The following MROH9 variants were observed in gnomAD, a reference collection of about 807,000 sequenced individuals.
MROH9 encodes maestro heat-like repeat-containing protein family member 9.
In MROH9, 92 loss-of-function variants were observed where a neutral mutation model predicts 98.2. The ratio of observed to expected loss-of-function variants is 0.94; its 90% confidence interval spans 0.79 to 1.11. The LOEUF is 1.11. MROH9 is among the 50% of genes most tolerant of loss of function. The pLI, the probability that MROH9 is intolerant of heterozygous loss-of-function variation, is 0.00. For missense variants in MROH9, 1,057 were observed against 1,014.8 expected, an observed-to-expected ratio of 1.04 and a Z score of -0.57; for synonymous variants, 397 against 368.9, an observed-to-expected ratio of 1.08 and a Z score of -0.87.
chr1:170,987,917 T>A (rs1651212124), intron 10 of MROH9, among the ~76,000 whole-genome samples: 1 of 152,182 alleles, frequency 6.6e-6, no homozygotes, highest in Non-Finnish European at 1.5e-5. Context: ...ATTTTTAAAG[T>A]AGGTTACAGT....
chr1:171,033,335 A>C (rs1652988780), intron 20 of MROH9, among the ~76,000 whole-genome samples: 1 of 152,222 alleles, frequency 6.6e-6, no homozygotes, highest in Admixed American at 6.5e-5. Context: ...CCGATTCCAG[A>C]TGAGAGGCTG....
chr1:171,047,766 T>C (rs1177121021), intron 20 of MROH9, among the ~76,000 whole-genome samples: 1 of 152,162 alleles, frequency 6.6e-6, no homozygotes, highest in Non-Finnish European at 1.5e-5. Context: ...TTTATTGTAG[T>C]CTTCACTGTC....
chr1:171,062,235 T>C lies in MROH9; in HGVS notation c.2344+41T>C, dbSNP rs1328001460. 3.7e-6 allele frequency: 5 copies of C among 1,337,018 alleles called. No individual in the cohort carries two copies. In the African/African-American group the frequency reaches 4.4e-5, roughly 12 times the overall value. The allele number at this position is 1,337,018 out of a possible 1,614,324, so 82.8% of individuals were successfully genotyped here. A position where few individuals can be genotyped will look rare whatever the true frequency, so the allele number is the denominator to read the frequency against. Reference sequence around the variant, plus strand: ...ATAACAAAATCTTTATGCATAAATCTAAATACATTTACTATTTTTAATTCT... The same window carrying C: ...ATAACAAAATCTTTATGCATAAATCCAAATACATTTACTATTTTTAATTCT... On this transcript the variant is annotated intron_variant, in intron 21 of 21. Coordinates refer to ENST00000367759, the MANE Select transcript of MROH9 (RefSeq NM_001163629.2).
At chr1:170,973,579 T>TA (rs1650562627) in intron 8 of MROH9, among the ~76,000 whole-genome samples, 1 of 151,922 alleles carries the variant, frequency 6.6e-6, no homozygotes, top group Non-Finnish European at 1.5e-5. Flanking sequence ...AAATCCAATT[T>TA]AAAAAAAATT....
chr1:170,937,902 G>T (rs1250708282), intron 1 of MROH9, among the ~76,000 whole-genome samples: 1 of 152,144 alleles, frequency 6.6e-6, no homozygotes, highest in African/African-American at 2.4e-5. Context: ...TCAGCTGCTT[G>T]TGGTTCTTTA....
In MROH9 at chr1:170,947,526, G is replaced by A. The variant is rs187983561; in HGVS notation, c.26-1G>A. On this transcript the variant is annotated splice_acceptor_variant, in intron 2 of 21. Transcript: ENST00000367759. LOFTEE classifies it high-confidence loss of function. ...TAACGAATCTCCTTCTTTCTGGCTAGAGAGTAGTCTCCAGATTCTGCAAGA... is the reference window on the plus strand; with the variant it reads ...TAACGAATCTCCTTCTTTCTGGCTAAAGAGTAGTCTCCAGATTCTGCAAGA... The A allele has an allele frequency of 3.7e-6, 6 of 1,610,520 alleles. No individual in the cohort carries two copies. The African/African-American group carries it at 5.3e-5, about 14-fold the overall frequency.
In MROH9 at chr1:171,032,960, G is replaced by A. The variant is rs142627420; in HGVS notation, c.2281+7540G>A. Among the ~76,000 whole-genome samples the A allele has an allele frequency of 3.1e-3, 471 of 152,314 alleles. 4 individuals are homozygous for A. Among genetic ancestry groups the A allele is most frequent in the African/African-American group, 0.011 (442 of 41,564 alleles). On this transcript the variant is annotated intron_variant, in intron 20 of 21. Coordinates refer to ENST00000367759, the MANE Select transcript of MROH9 (RefSeq NM_001163629.2). ...CCTGTGGGATCCAGGTTCTGTCCCT[G>A]AGCCCCTGGCTGGAGTTATTGGAGT...
chr1:170,984,335 G>A (rs1651047256), intron 9 of MROH9, among the ~76,000 whole-genome samples: 2 of 152,206 alleles, frequency 1.3e-5, no homozygotes, highest in African/African-American at 4.8e-5. Flanking sequence ...CTGAGGATAT[G>A]CAGAAGCAAT....
chr1:170,996,472 G>A, intron 13 of MROH9, 35 bp from the exon 14 acceptor site: 1 of 1,606,264 alleles, frequency 6.2e-7, no homozygotes, highest in Non-Finnish European at 8.5e-7. Context: ...AATATCACCG[G>A]CATGTGATGA....
intron 2 of MROH9, among the ~76,000 whole-genome samples, chr1:170,946,858 T>G (rs1302719741): frequency 6.6e-6 from 1 of 152,066 alleles, no homozygotes; most frequent in Non-Finnish European, 1.5e-5. Context: ...AATTAAATTA[T>G]TTTGATAACA....
intron 17 of MROH9, among the ~76,000 whole-genome samples, chr1:171,020,311 A>G (rs917343802): frequency 6.6e-6 from 1 of 152,202 alleles, no homozygotes; most frequent in Admixed American, 6.5e-5. Flanking sequence ...GACACAACAG[A>G]AAAGAAAACT....
intron 3 of MROH9, among the ~76,000 whole-genome samples, chr1:170,957,395 TCA>T (rs1211317183): frequency 6.6e-6 from 1 of 152,218 alleles, no homozygotes. Flanking sequence ...TTATGGACAT[TCA>T]GTTTTCCCAA....
intron 21 of MROH9, among the ~76,000 whole-genome samples, chr1:171,062,844 G>A (rs1318821891): frequency 1.3e-5 from 2 of 152,064 alleles, no homozygotes. Context: ...GCAATATTGA[G>A]CTGCAGGTAC....
intron 20 of MROH9, among the ~76,000 whole-genome samples, chr1:171,050,628 C>T (rs1330535583): frequency 6.6e-6 from 1 of 152,132 alleles, no homozygotes; most frequent in Non-Finnish European, 1.5e-5. Context: ...GATGATTTGA[C>T]ATAATCTTTT....
intron 6 of MROH9, among the ~76,000 whole-genome samples, chr1:170,962,513 G>T (rs1448909702): frequency 6.6e-6 from 1 of 152,086 alleles, no homozygotes; most frequent in Non-Finnish European, 1.5e-5. Flanking sequence ...TGCATGTCTT[G>T]TGGTCTTCAA....
chr1:171,015,964 G>A (rs1652308556), intron 16 of MROH9, among the ~76,000 whole-genome samples, 199 bp from the exon 17 acceptor site: 1 of 152,240 alleles, frequency 6.6e-6, no homozygotes, highest in East Asian at 1.9e-4. Flanking sequence ...TCTACTTAAT[G>A]TTAAATTTAT....
intron 20 of MROH9, among the ~76,000 whole-genome samples, chr1:171,039,300 A>T (rs1653219442): frequency 6.6e-6 from 1 of 152,200 alleles, no homozygotes. Context: ...CTGCAGTTGT[A>T]AGAACAATCC....
chr1:171,035,842 T>C (rs947184900), intron 20 of MROH9, among the ~76,000 whole-genome samples: 1 of 152,152 alleles, frequency 6.6e-6, no homozygotes, highest in Non-Finnish European at 1.5e-5. Flanking sequence ...TAAACCACTT[T>C]GGAAAGCTGT....
At chr1:171,064,051 C>T in intron 21 of MROH9, 48 bp from the exon 22 acceptor site, 1 of 1,496,160 alleles carries the variant, frequency 6.7e-7, no homozygotes, top group South Asian at 1.4e-5. Flanking sequence ...AGCTTCATGG[C>T]CTCTAAGAAA....
Sources: gnomAD v4.1 joint callset for allele counts (sites outside exome capture counted in the v4.1 genomes callset) on GRCh38, gnomAD v4.1.1 for gene constraint, MANE v1.5 for transcripts, NCBI Gene and HGNC (gene_info 2026-07-23, HGNC 2026-07-21) for gene names.